The following DCC variants were observed in gnomAD, a reference collection of about 807,000 sequenced individuals.
The protein encoded by DCC is netrin receptor DCC.
A neutral mutation model predicts 172.5 loss-of-function variants in DCC; 58 were observed. That is an observed-to-expected ratio of 0.34 (90% confidence interval 0.27 to 0.42). The LOEUF is 0.42. DCC is among the 10% of genes least tolerant of loss of function. The pLI, the probability that DCC is intolerant of heterozygous loss-of-function variation, is 1.00. For synonymous variants in DCC, 709 were observed against 644.5 expected (o/e 1.10, Z -1.52); for missense variants, 1,740 against 1,791.0 (o/e 0.97, Z 0.51).
chr18:53,225,552 T>C (rs183286804), intron 12 of DCC, among the ~76,000 whole-genome samples: 6 of 152,256 alleles, frequency 3.9e-5, no homozygotes, highest in Admixed American at 2.0e-4. Context: ...TGGATGCTGA[T>C]ATATTAGTCA....
intron 27 of DCC, among the ~76,000 whole-genome samples, chr18:53,504,646 A>T (rs1289156644): frequency 6.6e-6 from 1 of 152,198 alleles, no homozygotes; most frequent in Admixed American, 6.5e-5. Flanking sequence ...AGTATCAATA[A>T]TGTTTGTGAC....
chr18:52,850,394 T>G (rs1028462107), intron 2 of DCC, among the ~76,000 whole-genome samples: 11 of 152,164 alleles, frequency 7.2e-5, no homozygotes, highest in African/African-American at 2.7e-4. Flanking sequence ...CCAACTGTAT[T>G]TTTAACTGGT....
chr18:53,526,852 C>CCCAGGCCACG (rs2144618898), intron 28 of DCC, 93 bp downstream of exon 28: 1 of 999,510 alleles, frequency 1.0e-6, no homozygotes, highest in African/African-American at 1.6e-5. Context: ...GTCCATTCAC[C>CCCAGGCCACG]CCAGGCCACC....
intron 7 of DCC, among the ~76,000 whole-genome samples, chr18:53,146,925 C>T (rs2043924203): frequency 6.6e-6 from 1 of 152,068 alleles, no homozygotes; most frequent in Admixed American, 6.5e-5. Flanking sequence ...GTAAATAATA[C>T]ATTTAATGAT....
rs369729958 is a variant in DCC, at chr18:53,517,327, T to C, written c.4112-9290T>C. Among the ~76,000 whole-genome samples the C allele has an allele frequency of 4.5e-3, 689 of 152,016 alleles. 11 individuals are homozygous for C. The highest frequency in any genetic ancestry group is 0.014 in the Middle Eastern group (4 of 294). ...GTGGGGGGAGGCGGGAGGAATAGCATTGGGAGATATACCTAATGCTAGATG... is the reference window on the plus strand; with the variant it reads ...GTGGGGGGAGGCGGGAGGAATAGCACTGGGAGATATACCTAATGCTAGATG... On this transcript the variant is annotated intron_variant, in intron 27 of 28. Coordinates refer to ENST00000442544, the MANE Select transcript of DCC (RefSeq NM_005215.4).
chr18:52,907,362 TGATATATA>T (rs2145450444), intron 3 of DCC, among the ~76,000 whole-genome samples: 1 of 144,682 alleles, frequency 6.9e-6, no homozygotes, highest in African/African-American at 2.7e-5. Flanking sequence ...TATATATGAA[TGATATATA>T]TCATATATGC....
intron 1 of DCC, among the ~76,000 whole-genome samples, chr18:52,514,070 A>C (rs1384799515): frequency 6.6e-6 from 1 of 152,182 alleles, no homozygotes; most frequent in Non-Finnish European, 1.5e-5. Context: ...AATTTTTCTT[A>C]AGAGTTGCAC....
chr18:52,539,125 A>G (rs1181878491), intron 1 of DCC, among the ~76,000 whole-genome samples: 1 of 152,124 alleles, frequency 6.6e-6, no homozygotes, highest in East Asian at 1.9e-4. Flanking sequence ...ATTGTCTCTG[A>G]GTCAATGTAC....
intron 1 of DCC, among the ~76,000 whole-genome samples, chr18:52,585,907 C>A (rs151134485): frequency 1.3e-5 from 2 of 151,930 alleles, no homozygotes; most frequent in African/African-American, 2.4e-5. Flanking sequence ...CACGGTGAAA[C>A]CCCGTCTCTA....
chr18:52,476,253 G>T (rs927452014), intron 1 of DCC, among the ~76,000 whole-genome samples: 12 of 151,970 alleles, frequency 7.9e-5, no homozygotes, highest in African/African-American at 2.4e-4. Context: ...TTTCCCTTTT[G>T]TTCTTTTTCA....
chr18:52,715,454 C>T (rs1480356488), intron 1 of DCC, among the ~76,000 whole-genome samples: 1 of 151,942 alleles, frequency 6.6e-6, no homozygotes, highest in Non-Finnish European at 1.5e-5. Context: ...CACCTGCCAC[C>T]ACACCCAGCT....
At chr18:52,365,691 G>A (rs1178569864) in intron 1 of DCC, among the ~76,000 whole-genome samples, 1 of 152,172 alleles carries the variant, frequency 6.6e-6, no homozygotes, top group Non-Finnish European at 1.5e-5. Flanking sequence ...GGGAGGACGT[G>A]CTAATTTTTC....
At chr18:53,482,229 C>T (rs2045841016) in intron 25 of DCC, among the ~76,000 whole-genome samples, 1 of 152,078 alleles carries the variant, frequency 6.6e-6, no homozygotes, top group African/African-American at 2.4e-5. Flanking sequence ...AGAAATGAAT[C>T]ATAGAATAAA....
At chr18:53,199,171 G>A (rs1230114733) in intron 9 of DCC, among the ~76,000 whole-genome samples, 1 of 151,532 alleles carries the variant, frequency 6.6e-6, no homozygotes, top group Non-Finnish European at 1.5e-5. Context: ...TGCCTCTGGG[G>A]TTCAAGGGAT....
chr18:52,985,571 C>A (rs2041279801), intron 5 of DCC, among the ~76,000 whole-genome samples: 1 of 152,048 alleles, frequency 6.6e-6, no homozygotes, highest in African/African-American at 2.4e-5. Context: ...GCATAACAAC[C>A]ACTGTATTCT....
chr18:52,633,038 A>G (rs2144883358), intron 1 of DCC, among the ~76,000 whole-genome samples: 1 of 152,320 alleles, frequency 6.6e-6, no homozygotes, highest in African/African-American at 2.4e-5. Context: ...TAAATAAATA[A>G]ATCAATGAAA....
intron 1 of DCC, among the ~76,000 whole-genome samples, chr18:52,351,903 C>T (rs762664717): frequency 6.6e-6 from 1 of 152,166 alleles, no homozygotes; most frequent in Non-Finnish European, 1.5e-5. Context: ...GGACCTGGAA[C>T]TACTGTACCA....
intron 15 of DCC, among the ~76,000 whole-genome samples, chr18:53,356,962 T>C (rs2057885247): frequency 6.6e-6 from 1 of 152,202 alleles, no homozygotes; most frequent in South Asian, 2.1e-4. Context: ...TTTCTTCTCT[T>C]AGAAGTCGCT....
intron 21 of DCC, among the ~76,000 whole-genome samples, chr18:53,432,867 C>G (rs1253881020): frequency 6.6e-6 from 1 of 151,986 alleles, no homozygotes; most frequent in African/African-American, 2.4e-5. Flanking sequence ...AAATCTGATG[C>G]CTCTGTCTTT....
Sources: gnomAD v4.1 joint callset for allele counts (sites outside exome capture counted in the v4.1 genomes callset) on GRCh38, gnomAD v4.1.1 for gene constraint, MANE v1.5 for transcripts, NCBI Gene and HGNC (gene_info 2026-07-23, HGNC 2026-07-21) for gene names.